PISD: variants seen among roughly 807,000 people sequenced by gnomAD.
PISD encodes phosphatidylserine decarboxylase proenzyme, mitochondrial.
PISD carries 31 observed loss-of-function variants against 43.5 expected under a neutral mutation model. The ratio of observed to expected loss-of-function variants is 0.71; its 90% CI spans 0.54 to 0.96. PISD has a LOEUF of 0.96. Ranked by LOEUF, PISD falls within the 40% of genes least tolerant of loss-of-function variation. PISD has a pLI of 0.00. For missense variants in PISD, 523 were observed against 548.4 expected (o/e 0.95, Z 0.46); for synonymous variants, 259 against 228.7 (o/e 1.13, Z -1.20).
rs1229248504 is a variant in PISD at position 31,618,495 on chromosome 22, A to AAGTT, written c.*1113_*1116dup. 1.9e-5 allele frequency: 25 copies of AAGTT among 1,335,792 alleles called. No homozygotes were observed. The highest frequency in any genetic ancestry group is 2.7e-4 in the Middle Eastern group (1 of 3,690). The allele number at this position is 1,335,792 out of a possible 1,614,324, so 82.7% of individuals were successfully genotyped here. On this transcript the variant is annotated 3_prime_UTR_variant, in exon 8 of 8. Transcript: ENST00000439502. ...ACCTCCAGGAACAGAACACAGTTTT[A>AAGTT]AGTTTGATTTTTTTTATTTCAAAAT...
At position 31,621,383 on chromosome 22, in the gene PISD, C is replaced by G. The variant is rs2072560384; in HGVS notation, c.648G>C (p.Glu216Asp). The change falls in exon 5 of 8, where the codon GAG becomes GAC. Residue 216 changes from glutamate to aspartate, a missense_variant. Glu to Asp is a conservative substitution (Grantham distance 45). Coordinates refer to ENST00000439502, the MANE Select transcript of PISD (RefSeq NM_001326411.2). ...EQVKGVTYSL[E>D]SFLGPRMCTE... ...TGCACATACGCGGGCCCAGGAACGACTCCAGGGAGTAGGTGACCCCCTTTA... is the reference window on the plus strand; with the variant it reads ...TGCACATACGCGGGCCCAGGAACGAGTCCAGGGAGTAGGTGACCCCCTTTA... The G allele has an allele frequency of 6.2e-7, 1 of 1,614,010 alleles. No individual in the cohort carries two copies. Among genetic ancestry groups the G allele is most frequent in the South Asian group, 1.1e-5 (1 of 91,092 alleles).
At chr22:31,654,565 A>G (rs974548340) in intron 1 of PISD, among the ~76,000 whole-genome samples, 1 of 152,142 alleles carries the variant, frequency 6.6e-6, no homozygotes, top group African/African-American at 2.4e-5. Context: ...CTCTATCCAT[A>G]GGAGAGACTA....
chr22:31,653,504 C>T (rs893771272), intron 1 of PISD, among the ~76,000 whole-genome samples: 14 of 152,168 alleles, frequency 9.2e-5, no homozygotes, highest in African/African-American at 3.4e-4. Context: ...ACACAGGGCA[C>T]TCAGGTGGTT....
chr22:31,637,022 T>G (rs555408097), intron 3 of PISD, among the ~76,000 whole-genome samples: 1 of 150,416 alleles, frequency 6.6e-6, no homozygotes, highest in South Asian at 2.1e-4. Context: ...GCGCAGTAGC[T>G]CACGCCTATA....
chr22:31,651,025 G>A (rs1601439071), intron 1 of PISD, among the ~76,000 whole-genome samples: 2 of 152,212 alleles, frequency 1.3e-5, no homozygotes, highest in South Asian at 2.1e-4. Flanking sequence ...GTGCAGTGCC[G>A]CAATCTTGGC....
chr22:31,625,604 G>A, intron 3 of PISD: 1 of 834,764 alleles, frequency 1.2e-6, no homozygotes, highest in East Asian at 2.7e-5. Flanking sequence ...TCCGACTCAG[G>A]GTGCTCAGGC....
At chr22:31,645,374 C>T (rs1170672630) in intron 3 of PISD, among the ~76,000 whole-genome samples, 3 of 151,794 alleles carry the variant, frequency 2.0e-5, no homozygotes, top group Non-Finnish European at 2.9e-5. Flanking sequence ...CACTGTACTC[C>T]AGCCCTAGGT....
chr22:31,631,302 A>G (rs1226462129), intron 3 of PISD, among the ~76,000 whole-genome samples: 1 of 152,178 alleles, frequency 6.6e-6, no homozygotes, highest in African/African-American at 2.4e-5. Flanking sequence ...CACTGGACTG[A>G]ACAGAAAGCC....
intron 1 of PISD, among the ~76,000 whole-genome samples, chr22:31,655,892 C>T (rs1364540852): frequency 6.6e-6 from 1 of 152,076 alleles, no homozygotes; most frequent in Non-Finnish European, 1.5e-5. Flanking sequence ...CCACCTTGGC[C>T]TCCGAAAGTG....
intron 3 of PISD, among the ~76,000 whole-genome samples, chr22:31,643,374 A>C (rs1457922708): frequency 6.6e-6 from 1 of 152,220 alleles, no homozygotes; most frequent in African/African-American, 2.4e-5. Context: ...ACCCACATGC[A>C]AAATAATGAC....
At chr22:31,633,262 T>C (rs1317072517) in intron 3 of PISD, among the ~76,000 whole-genome samples, 1 of 152,050 alleles carries the variant, frequency 6.6e-6, no homozygotes, top group Non-Finnish European at 1.5e-5. Context: ...GAAAGGTCTG[T>C]AGAGGAAAGA....
chr22:31,641,936 G>C (rs1422228950), intron 3 of PISD, among the ~76,000 whole-genome samples: 1 of 151,208 alleles, frequency 6.6e-6, no homozygotes, highest in Non-Finnish European at 1.5e-5. Flanking sequence ...GAAACACTCC[G>C]ATTGTTTTAG....
At position 31,618,786 on chromosome 22, in the gene PISD, T is replaced by G; in HGVS notation, c.*826A>C. On this transcript the variant is annotated 3_prime_UTR_variant, in exon 8 of 8. Transcript: ENST00000439502. ...GCCTCCAAGACAGACCCTGAATCAA[T>G]AGCAGCAACTTTCCCATATTTCATG... 1.7e-5 allele frequency: 3 copies of G among 176,514 alleles called. No homozygotes were observed. The highest frequency in any genetic ancestry group is 2.4e-5 in the Non-Finnish European group (2 of 84,034). 10.9% of individuals were successfully genotyped at this position (176,514 alleles called of 1,614,324 possible). A position where few individuals can be genotyped will look rare whatever the true frequency, so the allele number is the denominator to read the frequency against.
At chr22:31,642,794 CAAA>C (rs781163913) in intron 3 of PISD, among the ~76,000 whole-genome samples, 1 of 71,762 alleles carries the variant, frequency 1.4e-5, no homozygotes, top group African/African-American at 5.8e-5. Context: ...GACTCAGTTT[CAAA>C]AAAAAAAAAA....
intron 3 of PISD, among the ~76,000 whole-genome samples, chr22:31,644,429 T>C (rs1349070903): frequency 1.3e-5 from 2 of 151,642 alleles, no homozygotes; most frequent in South Asian, 2.1e-4. Context: ...TTAGTAGAGA[T>C]GGGGTTTCAC....
intron 3 of PISD, among the ~76,000 whole-genome samples, chr22:31,624,656 C>CAG (rs146208241): frequency 0.14 from 17,844 of 131,192 alleles, 1,434 homozygotes; most frequent in East Asian, 0.36. Flanking sequence ...CACAGACAGA[C>CAG]ACACACACAC....
Position 31,621,708 on chromosome 22 carries a change from C to A in PISD, c.499G>T (p.Glu167Ter), listed in dbSNP as rs1479014905. 1 of 1,613,962 alleles carries A rather than the reference C, an allele frequency of 6.2e-7. No homozygotes were observed. The highest frequency in any genetic ancestry group is 8.5e-7 in the Non-Finnish European group (1 of 1,180,040). ...EDLHHYRNLSEFFRRKLKPQA... is the reference protein window; with the variant it reads ...EDLHHYRNLS ...GGCTTCAGCTTGCGCCGGAAGAACT[C>A]GCTGAGGTTGCGGTAGTGATGCAGG... Residue 167 changes from glutamate to a stop codon, truncating the protein, a stop_gained, in exon 4 of 8, where the codon GAG becomes TAG. Transcript: ENST00000439502. LOFTEE classifies it high-confidence loss of function.
chr22:31,628,736 G>T, intron 3 of PISD: 1 of 707,110 alleles, frequency 1.4e-6, no homozygotes, highest in Non-Finnish European at 1.7e-6. Flanking sequence ...AATTCCTCCT[G>T]GCCACCCCCT....
chr22:31,628,334 A>G (rs1275869022), intron 3 of PISD: 2 of 296,620 alleles, frequency 6.7e-6, no homozygotes, highest in Non-Finnish European at 1.0e-5. Context: ...CCCTCTGCCT[A>G]TGACAGCCCT....
Sources: gnomAD v4.1 joint callset for allele counts (sites outside exome capture counted in the v4.1 genomes callset) on GRCh38, gnomAD v4.1.1 for gene constraint, MANE v1.5 for transcripts, NCBI Gene and HGNC (gene_info 2026-07-23, HGNC 2026-07-21) for gene names.